The following RABGAP1L variants were observed in gnomAD, a reference collection of about 807,000 sequenced individuals.
RABGAP1L encodes RAB GTPase activating protein 1 like, also known as rab GTPase-activating protein 1-like.
RABGAP1L carries 63 observed loss-of-function variants against 137.7 expected under a neutral mutation model. The observed-to-expected ratio is 0.46, with a 90% confidence interval of 0.37 to 0.56. The LOEUF (loss-of-function observed/expected upper bound fraction) is 0.56, where lower values mean the gene tolerates loss of function less well. Ranked by LOEUF, RABGAP1L falls within the 20% of genes least tolerant of loss-of-function variation. RABGAP1L has a pLI of 0.00. For synonymous variants in RABGAP1L, 431 were observed against 433.7 expected (o/e 0.99, Z 0.08); for missense variants, 1,095 against 1,244.0 (o/e 0.88, Z 1.80).
chr1:174,969,804 T>A (rs1669979629), intron 21 of RABGAP1L, among the ~76,000 whole-genome samples: 1 of 152,160 alleles, frequency 6.6e-6, no homozygotes, highest in Non-Finnish European at 1.5e-5. Flanking sequence ...AAGAGTTGGA[T>A]TGTTAGATTG....
At chr1:174,699,213 G>A (rs1400645889) in intron 15 of RABGAP1L, among the ~76,000 whole-genome samples, 2 of 151,982 alleles carry the variant, frequency 1.3e-5, no homozygotes, top group African/African-American at 4.8e-5. Flanking sequence ...GGCTGGTCTC[G>A]AACTCCTGGG....
chr1:174,731,603 C>T (rs1682482338), intron 17 of RABGAP1L, among the ~76,000 whole-genome samples: 1 of 152,174 alleles, frequency 6.6e-6, no homozygotes, highest in Admixed American at 6.5e-5. Flanking sequence ...GGAACTCCAA[C>T]TTGAGAATTT....
At chr1:174,933,271 T>A (rs1664166289) in intron 19 of RABGAP1L, among the ~76,000 whole-genome samples, 1 of 152,170 alleles carries the variant, frequency 6.6e-6, no homozygotes, top group Non-Finnish European at 1.5e-5. Flanking sequence ...AGTAGCCACC[T>A]CTTTAATTGT....
At chr1:174,753,215 A>T (rs934426680) in intron 18 of RABGAP1L, among the ~76,000 whole-genome samples, 9 of 152,218 alleles carry the variant, frequency 5.9e-5, no homozygotes, top group Non-Finnish European at 1.3e-4. Context: ...TTAGTATAGT[A>T]TCTAGAACAT....
At chr1:174,348,228 A>T (rs1682633594) in intron 11 of RABGAP1L, among the ~76,000 whole-genome samples, 1 of 150,556 alleles carries the variant, frequency 6.6e-6, no homozygotes, top group Admixed American at 6.6e-5. Flanking sequence ...CACTATTTTA[A>T]ACTGATGACA....
rs1204228783 is a variant in RABGAP1L, at chr1:174,305,007, A to G, written c.1345A>G (p.Asn449Asp). ...TCAGTCTGAGGGAAAAGGCCATACC[A>G]ATGCTGGAGATGCAATATATGAGGT... Reference protein sequence around the residue: ...LKQSEGKGHTNAGDAIYEVVS... With the variant: ...LKQSEGKGHTDAGDAIYEVVS... Residue 449 changes from asparagine (N) to aspartate (D), a missense_variant, in exon 11 of 26, where the codon AAT becomes GAT. Physicochemically the swap from Asn to Asp is conservative, Grantham distance 23. Coordinates refer to ENST00000681986, the MANE Select transcript of RABGAP1L (RefSeq NM_001366446.1). The G allele has an allele frequency of 1.3e-6, 2 of 1,556,182 alleles. No homozygotes were observed. The highest frequency in any genetic ancestry group is 1.7e-6 in the Non-Finnish European group (2 of 1,156,682).
At chr1:174,492,584 A>G (rs1660361531) in intron 13 of RABGAP1L, among the ~76,000 whole-genome samples, 2 of 152,014 alleles carry the variant, frequency 1.3e-5, no homozygotes, top group African/African-American at 4.8e-5. Context: ...TCCTGACCTC[A>G]GGCGATCCGC....
At chr1:174,697,598 C>T (rs771840247) in intron 15 of RABGAP1L, among the ~76,000 whole-genome samples, 8 of 152,146 alleles carry the variant, frequency 5.3e-5, no homozygotes, top group Non-Finnish European at 8.8e-5. Flanking sequence ...GGATTACAGG[C>T]GTGAGCCACC....
At chr1:174,301,977 G>A (rs1297236093) in intron 10 of RABGAP1L, among the ~76,000 whole-genome samples, 2 of 152,114 alleles carry the variant, frequency 1.3e-5, no homozygotes, top group Non-Finnish European at 2.9e-5. Context: ...TTGAAGGTGG[G>A]GTTTCACTGG....
At chr1:174,340,453 G>A (rs1198796557) in intron 11 of RABGAP1L, among the ~76,000 whole-genome samples, 1 of 152,072 alleles carries the variant, frequency 6.6e-6, no homozygotes, top group Admixed American at 6.6e-5. Flanking sequence ...ACAGGCCCCA[G>A]TGTGTGTTTT....
intron 19 of RABGAP1L, among the ~76,000 whole-genome samples, chr1:174,929,318 TTGTC>T (rs1663339888): frequency 6.6e-6 from 1 of 152,150 alleles, no homozygotes; most frequent in South Asian, 2.1e-4. Context: ...TGGAAGGAAA[TTGTC>T]TGAGATGCCA....
At chr1:174,814,539 A>G (rs745810236) in intron 19 of RABGAP1L, among the ~76,000 whole-genome samples, 2 of 152,158 alleles carry the variant, frequency 1.3e-5, no homozygotes, top group African/African-American at 2.4e-5. Flanking sequence ...TAGGTCTCCA[A>G]TCCAAAGGTC....
chr1:174,295,586 A>G (rs758917921), intron 10 of RABGAP1L, among the ~76,000 whole-genome samples: 5 of 150,514 alleles, frequency 3.3e-5, no homozygotes, highest in African/African-American at 7.3e-5. Flanking sequence ...GGGTTTCACT[A>G]TGTTGGCCAG....
At chr1:174,855,767 G>T (rs1649189692) in intron 19 of RABGAP1L, among the ~76,000 whole-genome samples, 1 of 152,150 alleles carries the variant, frequency 6.6e-6, no homozygotes, top group South Asian at 2.1e-4. Context: ...AGGTATTTTT[G>T]TGTGTGTGGA....
At chr1:174,464,303 C>A (rs1017165000) in intron 13 of RABGAP1L, among the ~76,000 whole-genome samples, 4 of 149,904 alleles carry the variant, frequency 2.7e-5, no homozygotes, top group African/African-American at 5.0e-5. Context: ...TTTCCCCATC[C>A]TTAATTAATT....
intron 13 of RABGAP1L, among the ~76,000 whole-genome samples, chr1:174,482,508 T>A (rs1659208572): frequency 6.6e-6 from 1 of 152,224 alleles, no homozygotes; most frequent in Non-Finnish European, 1.5e-5. Flanking sequence ...TTGTATGTTG[T>A]AAAACAGAGT....
intron 14 of RABGAP1L, among the ~76,000 whole-genome samples, chr1:174,646,533 T>G (rs1380573576): frequency 1.3e-5 from 2 of 152,166 alleles, no homozygotes; most frequent in Non-Finnish European, 2.9e-5. Flanking sequence ...ATGTGTGGTG[T>G]TATTTCTGAG....
intron 4 of RABGAP1L, among the ~76,000 whole-genome samples, chr1:174,232,486 A>T (rs1670750883): frequency 7.2e-6 from 1 of 138,162 alleles, no homozygotes; most frequent in Non-Finnish European, 1.6e-5. Flanking sequence ...CATCTCAATT[A>T]AAAAAAAAAA....
intron 13 of RABGAP1L, among the ~76,000 whole-genome samples, chr1:174,477,936 G>A (rs999895018): frequency 4.6e-5 from 7 of 151,944 alleles, no homozygotes; most frequent in African/African-American, 7.3e-5. Context: ...TAAATAGGCT[G>A]CTAATATAGA....
Sources: gnomAD v4.1 joint callset for allele counts (sites outside exome capture counted in the v4.1 genomes callset) on GRCh38, gnomAD v4.1.1 for gene constraint, MANE v1.5 for transcripts, NCBI Gene and HGNC (gene_info 2026-07-23, HGNC 2026-07-21) for gene names.